CCNG2: variants seen among roughly 807,000 people sequenced by gnomAD.
The protein encoded by CCNG2 is cyclin G2.
In CCNG2, 20 loss-of-function variants were observed where a neutral mutation model predicts 36.5. The ratio of observed to expected loss-of-function variants is 0.55; its 90% CI spans 0.39 to 0.80. The LOEUF (loss-of-function observed/expected upper bound fraction) is 0.80. CCNG2 is among the 30% of genes least tolerant of loss of function. The pLI, the probability that CCNG2 is intolerant of heterozygous loss-of-function variation, is 0.00. For synonymous variants in CCNG2, 155 were observed against 140.1 expected, an observed-to-expected ratio of 1.11 and a Z score of -0.75; for missense variants, 358 against 390.8, an observed-to-expected ratio of 0.92 and a Z score of 0.71.
chr4:77,160,359 C>A (rs1731394898), intron 3 of CCNG2, among the ~76,000 whole-genome samples: 1 of 142,920 alleles, frequency 7.0e-6, no homozygotes, highest in Non-Finnish European at 1.5e-5. Context: ...GTTCAAAAAA[C>A]TTTTTTTTTT....
At chr4:77,165,190 TGTTA>T (rs1202538527) in intron 7 of CCNG2, among the ~76,000 whole-genome samples, 1 of 152,224 alleles carries the variant, frequency 6.6e-6, no homozygotes, top group Non-Finnish European at 1.5e-5. Flanking sequence ...TTTCATAGCT[TGTTA>T]GTTTACTTTG....
intron 7 of CCNG2, 111 bp from the exon 8 acceptor site, chr4:77,165,690 T>G: frequency 1.1e-6 from 1 of 879,380 alleles, no homozygotes; most frequent in East Asian, 2.9e-5. Context: ...AAGCATAAAT[T>G]TTGAATATAA....
Position 77,159,454 on chromosome 4 carries a change from A to AC in CCNG2, c.227dup (p.Val78CysfsTer19). ...CAACTTTTTTGGATCTTGCACTGAA[A>AC]CTTTTGTCCTGGCTGTCAATATTTT... On this transcript the variant is annotated frameshift_variant, in exon 3 of 8. Transcript: ENST00000316355. LOFTEE classifies it high-confidence loss of function. 1 of 1,613,854 alleles carries AC rather than the reference A, an allele frequency of 6.2e-7. No individual in the cohort carries two copies. Among genetic ancestry groups the AC allele is most frequent in the Non-Finnish European group, 8.5e-7 (1 of 1,179,912 alleles).
At chr4:77,158,318 G>A (rs1284529909) in intron 1 of CCNG2, 1 of 564,602 alleles carries the variant, frequency 1.8e-6, no homozygotes, top group Non-Finnish European at 3.2e-6. Context: ...GCGCTGGCCG[G>A]CGGACCTGAC....
In CCNG2 at chr4:77,160,855, C is replaced by A. The variant is rs1373677650; in HGVS notation, c.411C>A (p.Asp137Glu). The A allele has an allele frequency of 6.2e-7, 1 of 1,613,820 alleles. No individual in the cohort carries two copies. Among genetic ancestry groups the A allele is most frequent in the African/African-American group, 1.3e-5 (1 of 74,890 alleles). Residue 137 changes from aspartate to glutamate, a missense_variant, in exon 4 of 8, where the codon GAC becomes GAA. Coordinates refer to ENST00000316355, the MANE Select transcript of CCNG2 (RefSeq NM_004354.3). The part of the protein sequence containing the change: ...RISQCKCTAS[D>E]IKRMEKIISE... ...GTCAGTGTAAATGTACTGCTTCTGA[C>A]ATAAAACGGATGGAAAAAATAATTT...
rs1403241088 is a variant in CCNG2 at position 77,167,494 on chromosome 4, C to T, written c.*1570C>T. On this transcript the variant is annotated 3_prime_UTR_variant, in exon 8 of 8. Coordinates refer to ENST00000316355, the MANE Select transcript of CCNG2 (RefSeq NM_004354.3). ...GAGAGGCAACAGGTATTAAGTAGAA[C>T]AGAATGCTCAGGTTGGCAGATTAGA... 1 of 152,210 alleles carries T rather than the reference C, an allele frequency of 6.6e-6. No individual in the cohort carries two copies. Among genetic ancestry groups the T allele is most frequent in the Non-Finnish European group, 1.5e-5 (1 of 68,042 alleles). The allele number at this position is 152,210 out of a possible 1,614,324, so 9.4% of individuals were successfully genotyped here. A position where few individuals can be genotyped will look rare whatever the true frequency, so the allele number is the denominator to read the frequency against.
At chr4:77,163,911 A>G (rs1731553596) in intron 6 of CCNG2, among the ~76,000 whole-genome samples, 1 of 152,244 alleles carries the variant, frequency 6.6e-6, no homozygotes, top group Non-Finnish European at 1.5e-5. Flanking sequence ...ACTAAGGACT[A>G]TACTTGATAG....
intron 4 of CCNG2, 104 bp from the exon 5 acceptor site, chr4:77,161,376 A>G (rs750845795): frequency 9.6e-6 from 8 of 831,070 alleles, no homozygotes; most frequent in Non-Finnish European, 1.3e-5. Context: ...TGGTGGGATT[A>G]CAGGCGTGAG....
rs1160983124 is a variant in CCNG2 at position 77,169,012 on chromosome 4, G to T, written c.*3088G>T. ...TAGGTCCTGGGTCTTCATCTGTTTGGCTCTGCTACTGTTTCCTCCTCCCAG... is the reference window on the plus strand; with the variant it reads ...TAGGTCCTGGGTCTTCATCTGTTTGTCTCTGCTACTGTTTCCTCCTCCCAG... On this transcript the variant is annotated 3_prime_UTR_variant, in exon 8 of 8. Coordinates refer to ENST00000316355, the MANE Select transcript of CCNG2 (RefSeq NM_004354.3). 6.6e-6 allele frequency: 1 copy of T among 152,236 alleles called. No individual in the cohort carries two copies. Among genetic ancestry groups the T allele is most frequent in the Non-Finnish European group, 1.5e-5 (1 of 68,082 alleles). The allele number at this position is 152,236 out of a possible 1,614,324, so 9.4% of individuals were successfully genotyped here.
rs1364743744 is a variant in CCNG2 at position 77,168,276 on chromosome 4, C to G, written c.*2352C>G. The G allele has an allele frequency of 6.6e-6, 1 of 152,026 alleles. No homozygotes were observed. Among genetic ancestry groups the G allele is most frequent in the Non-Finnish European group, 1.5e-5 (1 of 67,920 alleles). The allele number at this position is 152,026 out of a possible 1,614,324, so 9.4% of individuals were successfully genotyped here. A position where few individuals can be genotyped will look rare whatever the true frequency, so the allele number is the denominator to read the frequency against. On this transcript the variant is annotated 3_prime_UTR_variant, in exon 8 of 8. Transcript: ENST00000316355. ...ATGATTTCGTTTACACTGTTTATAT[C>G]TCTCTGTCCCCCCTTTTTCTGCCAT...
intron 6 of CCNG2, among the ~76,000 whole-genome samples, chr4:77,162,116 C>T (rs1437919444): frequency 6.6e-6 from 1 of 152,216 alleles, no homozygotes; most frequent in Non-Finnish European, 1.5e-5. Flanking sequence ...TAGGACTGAA[C>T]TGTCATCCCA....
chr4:77,161,012 C>T (rs775704064), intron 4 of CCNG2, 41 bp downstream of exon 4: 1 of 1,427,864 alleles, frequency 7.0e-7, no homozygotes, highest in East Asian at 2.4e-5. Flanking sequence ...TTGAACATTG[C>T]TATAGCTAAC....
At chr4:77,158,947 C>T (rs1218682460) in intron 2 of CCNG2, among the ~76,000 whole-genome samples, 2 of 152,204 alleles carry the variant, frequency 1.3e-5, no homozygotes, top group African/African-American at 2.4e-5. Context: ...GGATGGGAGA[C>T]CCCGGGTGAA....
chr4:77,162,466 T>G (rs1731506598), intron 6 of CCNG2, among the ~76,000 whole-genome samples: 1 of 132,888 alleles, frequency 7.5e-6, no homozygotes, highest in Non-Finnish European at 1.6e-5. Flanking sequence ...CACCGCAACC[T>G]CAGCCTCTCG....
In CCNG2 at chr4:77,168,925, C is replaced by G. The variant is rs1041249055; in HGVS notation, c.*3001C>G. 1 of 152,238 alleles carries G rather than the reference C, an allele frequency of 6.6e-6. No individual in the cohort carries two copies. Among genetic ancestry groups the G allele is most frequent in the Non-Finnish European group, 1.5e-5 (1 of 68,076 alleles). The allele number at this position is 152,238 out of a possible 1,614,324, so 9.4% of individuals were successfully genotyped here. ...GAGATTTGACCTTTCAGGTTTTGAT[C>G]CTGTCATTTTCTAGGATGTGGTGCA... On this transcript the variant is annotated 3_prime_UTR_variant, in exon 8 of 8. Transcript: ENST00000316355.
intron 6 of CCNG2, among the ~76,000 whole-genome samples, chr4:77,162,528 G>T (rs1337105637): frequency 6.6e-6 from 1 of 151,914 alleles, no homozygotes; most frequent in African/African-American, 2.4e-5. Flanking sequence ...GGCTACAGGT[G>T]CTCACCACCA....
At position 77,161,653 on chromosome 4, in the gene CCNG2, C is replaced by G; in HGVS notation, c.611C>G (p.Ser204Cys). 6.3e-7 allele frequency: 1 copy of G among 1,583,946 alleles called. No individual in the cohort carries two copies. Among genetic ancestry groups the G allele is most frequent in the Non-Finnish European group, 8.6e-7 (1 of 1,168,418 alleles). Residue 204 changes from serine (S) to cysteine (C), a missense_variant, in exon 6 of 8, where the codon TCT (serine) becomes TGT (cysteine). Transcript: ENST00000316355. ...CRLIFSKAKP[S>C]VLALCLLNLE... ...TTTTTTTCTTTTTTCTTACAGCCAT[C>G]TGTATTAGCCTTGTGCCTTCTCAAT... is the stretch of plus-strand genomic sequence containing the variant.
rs1731340669 is a variant in CCNG2 at position 77,158,633 on chromosome 4, G to C, written c.101G>C (p.Arg34Pro). 2 of 1,613,984 alleles carry C rather than the reference G, an allele frequency of 1.2e-6. No individual in the cohort carries two copies. The highest frequency in any genetic ancestry group is 1.7e-6 in the Non-Finnish European group (2 of 1,180,024). Reference sequence around the variant, plus strand: ...GAACAAGAAGAGAGATTCCAACCTCGAGAAAAAGGGCTGAGTTTGATTGAG... The same window carrying C: ...GAACAAGAAGAGAGATTCCAACCTCCAGAAAAAGGGCTGAGTTTGATTGAG... ...YLEQEERFQP[R>P]EKGLSLIEAT... Residue 34 changes from arginine (R) to proline (P), a missense_variant, in exon 2 of 8, where the codon CGA (arginine) becomes CCA (proline). Coordinates refer to ENST00000316355, the MANE Select transcript of CCNG2 (RefSeq NM_004354.3).
rs1731648775 is a variant in CCNG2, at chr4:77,167,008, A to G, written c.*1084A>G. ...CATGTAAATCTTTTAAAATGTACAT[A>G]AAATACTGTATTTTTTTACCTTGTG... On this transcript the variant is annotated 3_prime_UTR_variant, in exon 8 of 8. Coordinates refer to ENST00000316355, the MANE Select transcript of CCNG2 (RefSeq NM_004354.3). The G allele has an allele frequency of 6.6e-6, 1 of 152,206 alleles. No homozygotes were observed. Among genetic ancestry groups the G allele is most frequent in the African/African-American group, 2.4e-5 (1 of 41,452 alleles). 9.4% of individuals were successfully genotyped at this position (152,206 alleles called of 1,614,324 possible). A position where few individuals can be genotyped will look rare whatever the true frequency, so the allele number is the denominator to read the frequency against.
Sources: gnomAD v4.1 joint callset for allele counts (sites outside exome capture counted in the v4.1 genomes callset) on GRCh38, gnomAD v4.1.1 for gene constraint, MANE v1.5 for transcripts, NCBI Gene and HGNC (gene_info 2026-07-23, HGNC 2026-07-21) for gene names.